Variants in GPC5 observed in about 807,000 individuals in gnomAD.
GPC5 encodes the protein glypican-5.
GPC5 carries 47 observed loss-of-function variants against 53.9 expected under a neutral mutation model. That is an observed-to-expected ratio of 0.87 (90% CI 0.69 to 1.11). The LOEUF is 1.11. GPC5 is among the 50% of genes most tolerant of loss of function. The pLI, the probability that GPC5 is intolerant of heterozygous loss-of-function variation, is 0.00. For synonymous variants in GPC5, 286 were observed against 263.3 expected (o/e 1.09, Z -0.84); for missense variants, 748 against 713.1 (o/e 1.05, Z -0.56).
intron 2 of GPC5, among the ~76,000 whole-genome samples, chr13:91,567,154 T>G (rs148920877): frequency 6.6e-6 from 1 of 152,128 alleles, no homozygotes. Flanking sequence ...TTCTACAGAC[T>G]GAATAGTTCA....
chr13:92,284,260 C>CA (rs201034963), intron 7 of GPC5, among the ~76,000 whole-genome samples: 2 of 151,514 alleles, frequency 1.3e-5, no homozygotes, highest in African/African-American at 2.4e-5. Context: ...GCCTACCAAC[C>CA]AAAAAAAAGT....
At chr13:92,753,929 T>G (rs1413659418) in intron 7 of GPC5, among the ~76,000 whole-genome samples, 1 of 152,016 alleles carries the variant, frequency 6.6e-6, no homozygotes, top group East Asian at 1.9e-4. Flanking sequence ...CAGGAGAACT[T>G]CCCCAATCTA....
At chr13:91,989,997 C>T (rs993669045) in intron 6 of GPC5, among the ~76,000 whole-genome samples, 7 of 152,066 alleles carry the variant, frequency 4.6e-5, no homozygotes, top group African/African-American at 1.7e-4. Context: ...CTGCATGATT[C>T]ATATTCATAA....
chr13:92,483,978 A>G (rs1002406882), intron 7 of GPC5, among the ~76,000 whole-genome samples: 2 of 152,094 alleles, frequency 1.3e-5, no homozygotes, highest in Admixed American at 1.3e-4. Flanking sequence ...TCTACAAAAC[A>G]TTTAAAATAA....
chr13:92,405,985 A>G (rs1875780386), intron 7 of GPC5, among the ~76,000 whole-genome samples: 1 of 152,214 alleles, frequency 6.6e-6, no homozygotes, highest in Non-Finnish European at 1.5e-5. Context: ...GATAGAGAAT[A>G]GACATATTTA....
intron 7 of GPC5, among the ~76,000 whole-genome samples, chr13:92,516,498 G>A (rs1880789154): frequency 6.6e-6 from 1 of 152,070 alleles, no homozygotes; most frequent in South Asian, 2.1e-4. Flanking sequence ...ATTATTGGAA[G>A]GTGAAGAGAT....
chr13:92,724,911 C>CA (rs1555306825), intron 7 of GPC5, among the ~76,000 whole-genome samples: 41 of 144,142 alleles, frequency 2.8e-4, no homozygotes, highest in Non-Finnish European at 2.4e-4. Flanking sequence ...CACACACACA[C>CA]AAGAAAGAAA....
chr13:91,911,106 A>G (rs2039605783), intron 6 of GPC5, among the ~76,000 whole-genome samples: 1 of 152,190 alleles, frequency 6.6e-6, no homozygotes, highest in African/African-American at 2.4e-5. Context: ...AGTTTATTTT[A>G]TTCAGAGAAC....
At chr13:92,088,711 T>A (rs1301973745) in intron 6 of GPC5, among the ~76,000 whole-genome samples, 1 of 152,200 alleles carries the variant, frequency 6.6e-6, no homozygotes, top group Non-Finnish European at 1.5e-5. Flanking sequence ...CGTCTCTGTG[T>A]ATATATATCA....
At chr13:92,257,565 T>TTTTTTTTTTTA (rs2042736180) in intron 7 of GPC5, among the ~76,000 whole-genome samples, 1 of 143,768 alleles carries the variant, frequency 7.0e-6, no homozygotes, top group Admixed American at 7.0e-5. Flanking sequence ...TTTTTTTTTT[T>TTTTTTTTTTTA]TTGGGGACAG....
At chr13:92,730,671 T>G (rs1262257928) in intron 7 of GPC5, among the ~76,000 whole-genome samples, 1 of 151,400 alleles carries the variant, frequency 6.6e-6, no homozygotes, top group East Asian at 1.9e-4. Flanking sequence ...TTTTCTCCAT[T>G]TACTTGCCTT....
chr13:92,806,932 G>T lies in GPC5; in HGVS notation c.1562-59350G>T, dbSNP rs75556748. ...TTGGGGAATTGGCACTGATAGACTT[G>T]CTGGATGCAAGGTGACCACAAAACT... On this transcript the variant is annotated intron_variant, in intron 7 of 7. Transcript: ENST00000377067. 6.9e-3 allele frequency among the ~76,000 whole-genome samples: 1,043 copies of T among 152,224 alleles called. 12 individuals carry two copies. The highest frequency in any genetic ancestry group is 0.024 in the African/African-American group (997 of 41,556).
intron 6 of GPC5, among the ~76,000 whole-genome samples, chr13:92,004,936 A>C (rs1355923837): frequency 6.6e-6 from 1 of 152,172 alleles, no homozygotes; most frequent in Non-Finnish European, 1.5e-5. Flanking sequence ...AATTCAAAAT[A>C]AAATTTAGAT....
At position 92,122,014 on chromosome 13, in the gene GPC5, C is replaced by T. The variant is rs762426344; in HGVS notation, c.1402-22816C>T. ...TTCAGTCTTTGCTAGAAGCAACTTG[C>T]GACAAATCACACATCTACAGACTCT... On this transcript the variant is annotated intron_variant, in intron 6 of 7. Coordinates refer to ENST00000377067, the MANE Select transcript of GPC5 (RefSeq NM_004466.6). Among the ~76,000 whole-genome samples the T allele has an allele frequency of 4.6e-5, 7 of 152,158 alleles. No individual in the cohort carries two copies. The South Asian group carries it at 6.2e-4, about 13-fold the overall frequency.
chr13:92,578,706 T>C (rs7989450), intron 7 of GPC5, among the ~76,000 whole-genome samples: 105,536 of 152,064 alleles, frequency 0.69, 37,974 homozygotes, highest in African/African-American at 0.86. Context: ...TCTACTGATT[T>C]AAACGCTAAT....
At chr13:91,503,035 A>G (rs939294096) in intron 2 of GPC5, among the ~76,000 whole-genome samples, 1 of 152,202 alleles carries the variant, frequency 6.6e-6, no homozygotes, top group African/African-American at 2.4e-5. Flanking sequence ...AAAAATAGTA[A>G]TGAAGTCTAG....
At chr13:91,955,914 C>A (rs187430479) in intron 6 of GPC5, among the ~76,000 whole-genome samples, 1 of 152,324 alleles carries the variant, frequency 6.6e-6, no homozygotes, top group East Asian at 1.9e-4. Flanking sequence ...AAAGCATGAG[C>A]AGTTTACAAG....
intron 7 of GPC5, among the ~76,000 whole-genome samples, chr13:92,675,137 ATATC>A (rs1427955206): frequency 1.3e-5 from 2 of 149,490 alleles, no homozygotes; most frequent in African/African-American, 4.8e-5. Flanking sequence ...TATCTGATAT[ATATC>A]TTTCAGAAAT....
chr13:92,013,299 A>G (rs891662730), intron 6 of GPC5, among the ~76,000 whole-genome samples: 3 of 152,152 alleles, frequency 2.0e-5, no homozygotes, highest in African/African-American at 7.2e-5. Context: ...GGGGAGCTGG[A>G]GAGGGGATGG....
Sources: allele counts gnomAD v4.1 joint callset (sites outside exome capture counted in the v4.1 genomes callset), GRCh38; gene constraint gnomAD v4.1.1; transcripts MANE v1.5; gene names NCBI Gene and HGNC (gene_info 2026-07-23, HGNC 2026-07-21).